Variants in RNLS observed in about 807,000 individuals in gnomAD.
RNLS encodes the protein renalase.
RNLS carries 39 observed loss-of-function variants against 39.8 expected under a neutral mutation model. The observed-to-expected ratio is 0.98, with a 90% confidence interval of 0.76 to 1.28. The LOEUF is 1.28. Ranked by LOEUF, RNLS falls within the 50% of genes most tolerant of loss-of-function variation. The pLI is 0.00. For synonymous variants in RNLS, 147 were observed against 150.7 expected, an observed-to-expected ratio of 0.98 and a Z score of 0.18; for missense variants, 410 against 413.3, an observed-to-expected ratio of 0.99 and a Z score of 0.07.
intron 4 of RNLS, among the ~76,000 whole-genome samples, chr10:88,382,178 T>G (rs2133524317): frequency 6.6e-6 from 1 of 152,232 alleles, no homozygotes; most frequent in South Asian, 2.1e-4. Context: ...ATCTTATTTT[T>G]TAAACTGCCA....
the RNLS span, among the ~76,000 whole-genome samples, chr10:88,259,684 G>T: frequency 3.3e-5 from 5 of 152,168 alleles, no homozygotes; most frequent in Non-Finnish European, 7.3e-5. Context: ...TATATGGGAG[G>T]ATTCAAAATA....
intron 4 of RNLS, among the ~76,000 whole-genome samples, chr10:88,505,445 T>C (rs1360961811): frequency 6.7e-6 from 1 of 148,988 alleles, no homozygotes; most frequent in Non-Finnish European, 1.5e-5. Flanking sequence ...GCATGTGTGT[T>C]GGAGAAAGGG....
chr10:88,314,666 A>T lies in RNLS; in HGVS notation c.701-25T>A, dbSNP rs1460694578. The T allele has an allele frequency of 2.5e-6, 4 of 1,602,164 alleles. No individual in the cohort carries two copies. In the African/African-American group the frequency reaches 5.4e-5, roughly 21 times the overall value. ...TCTGTGGCATAAGAGGATCATAAAG[A>T]TGCATCTTAAAGTGGGTAGCAGGCA... On this transcript the variant is annotated intron_variant, in intron 5 of 6. Transcript: ENST00000331772.
At chr10:88,512,124 T>A (rs1846151295) in intron 4 of RNLS, among the ~76,000 whole-genome samples, 1 of 152,176 alleles carries the variant, frequency 6.6e-6, no homozygotes, top group South Asian at 2.1e-4. Flanking sequence ...ATAACATACA[T>A]GTACACTAAA....
the RNLS span, among the ~76,000 whole-genome samples, chr10:88,190,919 T>A: frequency 1.3e-5 from 2 of 152,246 alleles, no homozygotes; most frequent in Admixed American, 6.5e-5. Context: ...AGGTCCAACG[T>A]GGGTCTTGTC....
intron 6 of RNLS, among the ~76,000 whole-genome samples, chr10:88,293,116 A>G (rs941516876): frequency 3.9e-5 from 6 of 152,140 alleles, no homozygotes; most frequent in African/African-American, 1.4e-4. Flanking sequence ...CTTTTTACTT[A>G]AATTGTTCCT....
At chr10:88,504,168 G>C (rs1185143088) in intron 4 of RNLS, among the ~76,000 whole-genome samples, 1 of 152,104 alleles carries the variant, frequency 6.6e-6, no homozygotes, top group Non-Finnish European at 1.5e-5. Context: ...AATCAAGACA[G>C]CTAAGCTACT....
the RNLS span, among the ~76,000 whole-genome samples, chr10:88,180,827 A>G: frequency 1.8e-4 from 28 of 152,194 alleles, no homozygotes; most frequent in Non-Finnish European, 3.4e-4. Flanking sequence ...GGATGAAACC[A>G]TCCATACTAT....
intron 6 of RNLS, among the ~76,000 whole-genome samples, chr10:88,293,741 G>A (rs1421902756): frequency 6.6e-6 from 1 of 152,122 alleles, no homozygotes; most frequent in South Asian, 2.1e-4. Flanking sequence ...GCTTGACACA[G>A]CTCAAAGCAG....
intron 5 of RNLS, among the ~76,000 whole-genome samples, chr10:88,356,020 T>A (rs149480996): frequency 1.3e-5 from 2 of 152,334 alleles, no homozygotes; most frequent in Admixed American, 6.5e-5. Context: ...CTCTGATCCT[T>A]GCGCGGGATA....
chr10:88,350,919 C>T (rs2133284985), intron 5 of RNLS, among the ~76,000 whole-genome samples: 1 of 152,280 alleles, frequency 6.6e-6, no homozygotes, highest in Middle Eastern at 3.4e-3. Context: ...TTAATGATCA[C>T]TATTCTAACT....
intron 4 of RNLS, among the ~76,000 whole-genome samples, chr10:88,419,755 G>A (rs930228147): frequency 4.6e-5 from 7 of 151,960 alleles, no homozygotes; most frequent in South Asian, 2.1e-4. Flanking sequence ...CTGTAATACC[G>A]GCACTTTGAG....
At chr10:88,548,689 T>A (rs931945427) in intron 4 of RNLS, among the ~76,000 whole-genome samples, 6 of 148,014 alleles carry the variant, frequency 4.1e-5, no homozygotes, top group South Asian at 4.2e-4. Flanking sequence ...TACATTTATA[T>A]ATAATATATA....
chr10:88,326,655 A>G (rs1335495044), intron 5 of RNLS, among the ~76,000 whole-genome samples: 1 of 152,226 alleles, frequency 6.6e-6, no homozygotes, highest in East Asian at 1.9e-4. Context: ...ATGATGCGAT[A>G]GAAAACAACC....
downstream of RNLS, among the ~76,000 whole-genome samples, chr10:88,271,978 A>G (rs1015236115): frequency 4.6e-5 from 7 of 152,184 alleles, no homozygotes; most frequent in African/African-American, 9.7e-5. Flanking sequence ...AGACTTTACC[A>G]TCTGTGCAAG....
chr10:88,547,078 T>C (rs1214160611), intron 4 of RNLS, among the ~76,000 whole-genome samples: 1 of 152,214 alleles, frequency 6.6e-6, no homozygotes, highest in Non-Finnish European at 1.5e-5. Flanking sequence ...AACAGGAGCG[T>C]GAGCTTTTTC....
intron 4 of RNLS, among the ~76,000 whole-genome samples, chr10:88,548,261 C>CAAA (rs869175046): frequency 2.3e-3 from 76 of 32,408 alleles, no homozygotes; most frequent in Non-Finnish European, 3.0e-3. Flanking sequence ...GACTCCGTCT[C>CAAA]AAAAAAAAAA....
At chr10:88,176,270 G>A in the RNLS span, among the ~76,000 whole-genome samples, 1 of 151,894 alleles carries the variant, frequency 6.6e-6, no homozygotes, top group Non-Finnish European at 1.5e-5. Context: ...TGCCTCCCAG[G>A]TTCAAGAGAT....
At chr10:88,379,744 G>C (rs927369973) in intron 4 of RNLS, among the ~76,000 whole-genome samples, 4 of 152,152 alleles carry the variant, frequency 2.6e-5, no homozygotes, top group Admixed American at 2.6e-4. Flanking sequence ...TTTGAGCTAA[G>C]TCATAAAAGA....
Sources: allele counts gnomAD v4.1 joint callset (sites outside exome capture counted in the v4.1 genomes callset), GRCh38; gene constraint gnomAD v4.1.1; transcripts MANE v1.5; gene names NCBI Gene and HGNC (gene_info 2026-07-23, HGNC 2026-07-21).